The following ZNF500 variants were observed in gnomAD, a reference collection of about 807,000 sequenced individuals.
The protein encoded by ZNF500 is zinc finger protein with KRAB and SCAN domains 18.
In ZNF500, 31 loss-of-function variants were observed where a neutral mutation model predicts 30.1. The observed-to-expected ratio is 1.03, with a 90% CI of 0.77 to 1.39. ZNF500 has a LOEUF of 1.39. Ranked by LOEUF, ZNF500 falls within the 40% of genes most tolerant of loss-of-function variation. ZNF500 has a pLI of 0.00. For missense variants in ZNF500, 817 were observed against 657.8 expected (o/e 1.24, Z -2.65); for synonymous variants, 392 against 282.0 (o/e 1.39, Z -3.91).
In ZNF500 at chr16:4,751,364, A is replaced by C. The variant is rs942936330; in HGVS notation, c.*1012T>G. On this transcript the variant is annotated 3_prime_UTR_variant, in exon 6 of 6. Coordinates refer to ENST00000219478, the MANE Select transcript of ZNF500 (RefSeq NM_021646.4). ...CCAGACACTAAGGGGCCAGGAGCAA[A>C]CGCAGCCCTGGGCCCCGGCCCTGGG... The C allele has an allele frequency of 3.7e-5, 20 of 546,504 alleles. No homozygotes were observed. Among genetic ancestry groups the C allele is most frequent in the African/African-American group, 3.6e-4 (19 of 52,086 alleles). The allele number at this position is 546,504 out of a possible 1,614,324, so 33.9% of individuals were successfully genotyped here. A position where few individuals can be genotyped will look rare whatever the true frequency, so the allele number is the denominator to read the frequency against.
chr16:4,751,737 G>C lies in ZNF500; in HGVS notation c.*639C>G, dbSNP rs1248663776. 3.5e-5 allele frequency: 42 copies of C among 1,217,112 alleles called. No homozygotes were observed. 75.4% of individuals were successfully genotyped at this position (1,217,112 alleles called of 1,614,324 possible). On this transcript the variant is annotated 3_prime_UTR_variant, in exon 6 of 6. Coordinates refer to ENST00000219478, the MANE Select transcript of ZNF500 (RefSeq NM_021646.4). ...TGTATTGGGGGACCCTAAACCCAGT[G>C]AGTGGTGGCCCTACCAAAAAAGAGA...
At chr16:4,754,028 A>T (rs2082111483) in intron 5 of ZNF500, among the ~76,000 whole-genome samples, 1 of 152,204 alleles carries the variant, frequency 6.6e-6, no homozygotes, top group Non-Finnish European at 1.5e-5. Flanking sequence ...TTCAGGAAAA[A>T]GCCCTTGACT....
chr16:4,754,924 TG>T (rs1173451660), intron 5 of ZNF500, among the ~76,000 whole-genome samples: 5 of 152,124 alleles, frequency 3.3e-5, no homozygotes, highest in African/African-American at 4.8e-5. Flanking sequence ...GTCCTGACAA[TG>T]GTGAGTGAGT....
downstream of ZNF500, chr16:4,747,677 A>G (rs751958212): frequency 6.5e-6 from 10 of 1,544,372 alleles, no homozygotes; most frequent in South Asian, 1.1e-4. Context: ...CTGACTTGCC[A>G]TGGACCCTGG....
chr16:4,752,915 C>G lies in ZNF500; in HGVS notation c.904G>C (p.Val302Leu). Residue 302 changes from valine to leucine, a missense_variant, in exon 6 of 6, where the codon GTC (valine) becomes CTC (leucine). Physicochemically the swap from Val to Leu is conservative, Grantham distance 32 (BLOSUM62 1). Coordinates refer to ENST00000219478, the MANE Select transcript of ZNF500 (RefSeq NM_021646.4). Reference protein sequence around the residue: ...GQRPAPVRGLVRPDQPRGGPP... With the variant: ...GQRPAPVRGLLRPDQPRGGPP... ...CCGCCTCTTGGCTGATCAGGCCTGACCAAGCCCCTGACTGGGGCTGGCCTC... is the reference window on the plus strand; with the variant it reads ...CCGCCTCTTGGCTGATCAGGCCTGAGCAAGCCCCTGACTGGGGCTGGCCTC... 1 of 1,613,832 alleles carries G rather than the reference C, an allele frequency of 6.2e-7. No homozygotes were observed. The highest frequency in any genetic ancestry group is 8.5e-7 in the Non-Finnish European group (1 of 1,180,002).
chr16:4,748,165 CTT>C (rs941872696), downstream of ZNF500: 2 of 151,786 alleles, frequency 1.3e-5, no homozygotes, highest in African/African-American at 4.8e-5. Flanking sequence ...GGTTTTTTCT[CTT>C]TTCGAGACGC....
rs1057105909 is a variant in ZNF500 at position 4,749,691 on chromosome 16, T to A, written c.*2685A>T. 6.6e-6 allele frequency: 1 copy of A among 152,268 alleles called. No individual in the cohort carries two copies. Among genetic ancestry groups the A allele is most frequent in the African/African-American group, 2.4e-5 (1 of 41,434 alleles). The allele number at this position is 152,268 out of a possible 1,614,324, so 9.4% of individuals were successfully genotyped here. The stretch of plus-strand genomic sequence containing the variant: ...AGCCAGGCGTAGTGGTGCGCACCTG[T>A]AATCCCAGCTACTCAGGAGGCTGAG... On this transcript the variant is annotated 3_prime_UTR_variant, in exon 6 of 6. Transcript: ENST00000219478.
chr16:4,762,394 C>A (rs546413314), intron 3 of ZNF500, 59 bp from the exon 4 acceptor site: 27 of 1,545,638 alleles, frequency 1.7e-5, no homozygotes, highest in Non-Finnish European at 2.0e-5. Flanking sequence ...CCCCTGCCGT[C>A]CCCTGCACAC....
At position 4,765,682 on chromosome 16, in the gene ZNF500, C is replaced by T. The variant is rs2082257235; in HGVS notation, c.297G>A (p.Leu99=). Residue 99 remains leucine (L), a synonymous_variant, in exon 2 of 6, where the codon CTG becomes CTA. Coordinates refer to ENST00000219478, the MANE Select transcript of ZNF500 (RefSeq NM_021646.4). The stretch of plus-strand genomic sequence containing the variant: ...CCTGGATCTCCCCCGGCAGCACAGT[C>T]AGGAACTGCTCCAGCACCAGCAGCT... ...ILELLVLEQF[L]TVLPGEIQAR... is the part of the protein sequence containing the mutation. 6.2e-7 allele frequency: 1 copy of T among 1,613,570 alleles called. No individual in the cohort carries two copies. Among genetic ancestry groups the T allele is most frequent in the African/African-American group, 1.3e-5 (1 of 74,950 alleles).
rs780613132 is a variant in ZNF500, at chr16:4,765,757, C to G, written c.222G>C (p.Leu74=). 1.2e-6 allele frequency: 2 copies of G among 1,613,112 alleles called. No individual in the cohort carries two copies. Among genetic ancestry groups the G allele is most frequent in the East Asian group, 2.2e-5 (1 of 44,872 alleles). The change falls in exon 2 of 6, where the codon CTG becomes CTC. Residue 74 remains leucine, a synonymous_variant. Coordinates refer to ENST00000219478, the MANE Select transcript of ZNF500 (RefSeq NM_021646.4). ...PREALSRLWE[L]CCRWLRPELR... ...GCTCCGGCCGCAGCCAGCGGCAGCA[C>G]AGCTCCCAGAGGCGGCTCAGGGCCT...
Position 4,751,067 on chromosome 16 carries a change from G to C in ZNF500, c.*1309C>G, listed in dbSNP as rs2082072436. 6.4e-6 allele frequency: 1 copy of C among 155,284 alleles called. No homozygotes were observed. Among genetic ancestry groups the C allele is most frequent in the Non-Finnish European group, 1.4e-5 (1 of 70,300 alleles). The allele number at this position is 155,284 out of a possible 1,614,324, so 9.6% of individuals were successfully genotyped here. A position where few individuals can be genotyped will look rare whatever the true frequency, so the allele number is the denominator to read the frequency against. ...GTGACAAATGCAATGGAGCATCCCAGGCTGGGATGAAGGCCAAGGCCACCT... is the reference window on the plus strand; with the variant it reads ...GTGACAAATGCAATGGAGCATCCCACGCTGGGATGAAGGCCAAGGCCACCT... On this transcript the variant is annotated 3_prime_UTR_variant, in exon 6 of 6. Transcript: ENST00000219478.
intron 2 of ZNF500, chr16:4,764,291 C>T (rs926741866): frequency 1.2e-5 from 2 of 163,978 alleles, no homozygotes; most frequent in Non-Finnish European, 2.5e-5. Flanking sequence ...TTTGGGAGGC[C>T]AAGGCAGGCA....
downstream of ZNF500, chr16:4,746,685 G>A (rs562586824): frequency 3.0e-3 from 2,932 of 971,302 alleles, 7 homozygotes; most frequent in Non-Finnish European, 4.1e-3. Flanking sequence ...TGCAGGGAGG[G>A]AAGAGGGGCA....
intron 4 of ZNF500, among the ~76,000 whole-genome samples, chr16:4,761,238 A>G (rs1308175651): frequency 1.3e-5 from 2 of 152,026 alleles, no homozygotes; most frequent in African/African-American, 4.8e-5. Context: ...GGAGCTCCAG[A>G]CCAGCCTGGC....
downstream of ZNF500, chr16:4,747,227 G>T (rs2082028944): frequency 5.2e-6 from 7 of 1,351,252 alleles, no homozygotes; most frequent in Admixed American, 6.9e-5. Context: ...TGCCTGAATT[G>T]CATTCTTGCT....
chr16:4,748,080 T>C (rs928347194), downstream of ZNF500, among the ~76,000 whole-genome samples: 8 of 152,182 alleles, frequency 5.3e-5, no homozygotes, highest in Non-Finnish European at 1.2e-4. Context: ...TCTGGCTTCC[T>C]GCATACTTGC....
chr16:4,761,612 T>TA (rs1294100756), intron 4 of ZNF500, among the ~76,000 whole-genome samples: 1 of 150,998 alleles, frequency 6.6e-6, no homozygotes, highest in East Asian at 1.9e-4. Flanking sequence ...TTGGGAGACT[T>TA]AGGCAAGAGG....
At position 4,760,474 on chromosome 16, in the gene ZNF500, C is replaced by T; in HGVS notation, c.760+18G>A. 1.2e-6 allele frequency: 2 copies of T among 1,612,122 alleles called. No homozygotes were observed. The highest frequency in any genetic ancestry group is 1.3e-5 in the African/African-American group (1 of 75,012). On this transcript the variant is annotated intron_variant, in intron 5 of 5. Transcript: ENST00000219478. Reference sequence around the variant, plus strand: ...TTTTTGGCAAGCCCCCTAGAGGACACAATCACTTGCAAGTTACCTTCATTC... The same window carrying T: ...TTTTTGGCAAGCCCCCTAGAGGACATAATCACTTGCAAGTTACCTTCATTC...
At position 4,764,097 on chromosome 16, in the gene ZNF500, T is replaced by A. The variant is rs796866928; in HGVS notation, c.415-1341A>T. On this transcript the variant is annotated intron_variant, in intron 2 of 5. Coordinates refer to ENST00000219478, the MANE Select transcript of ZNF500 (RefSeq NM_021646.4). ...TCCTTCAAATGGGGCTGGAAGGAGG[T>A]GGAGAGGCACTGTCTATAGAGATTT... 9.1e-6 allele frequency: 9 copies of A among 985,124 alleles called. No homozygotes were observed. The African/African-American group carries it at 1.4e-4, about 15-fold the overall frequency. The allele number at this position is 985,124 out of a possible 1,614,324, so 61.0% of individuals were successfully genotyped here.
Sources: gnomAD v4.1 joint callset for allele counts (sites outside exome capture counted in the v4.1 genomes callset) on GRCh38, gnomAD v4.1.1 for gene constraint, MANE v1.5 for transcripts, NCBI Gene and HGNC (gene_info 2026-07-23, HGNC 2026-07-21) for gene names.